IL5RA: variants seen among roughly 807,000 people sequenced by gnomAD.
The protein encoded by IL5RA is interleukin 5 receptor subunit alpha, also known as interleukin-5 receptor subunit alpha.
Under a neutral mutation model 50.0 loss-of-function variants are expected in IL5RA, and 49 were observed. The ratio of observed to expected loss-of-function variants is 0.98; its 90% CI spans 0.78 to 1.24. The LOEUF is 1.24. Among genes scored for constraint, IL5RA ranks in the 50% most tolerant of loss-of-function variants. The pLI, the probability that IL5RA is intolerant of heterozygous loss-of-function variation, is 0.00. For missense variants in IL5RA, 600 were observed against 500.4 expected (o/e 1.20, Z -1.90); for synonymous variants, 202 against 174.0 (o/e 1.16, Z -1.26).
intron 5 of IL5RA, among the ~76,000 whole-genome samples, chr3:3,099,869 C>T (rs919821529): frequency 1.2e-4 from 19 of 152,048 alleles, no homozygotes; most frequent in Admixed American, 1.2e-3. Context: ...GGGGTTTCAC[C>T]ATGTTGGCCA....
intron 4 of IL5RA, among the ~76,000 whole-genome samples, chr3:3,102,164 C>A (rs1703683412): frequency 6.6e-6 from 1 of 152,190 alleles, no homozygotes; most frequent in African/African-American, 2.4e-5. Flanking sequence ...ATCACTTCTC[C>A]CTTTGTTTGA....
chr3:3,094,810 C>T (rs990114713), intron 8 of IL5RA, among the ~76,000 whole-genome samples: 1 of 152,142 alleles, frequency 6.6e-6, no homozygotes, highest in Non-Finnish European at 1.5e-5. Flanking sequence ...GCAACCTCCG[C>T]CTCCCTGGTT....
intron 8 of IL5RA, among the ~76,000 whole-genome samples, chr3:3,094,237 C>G (rs1161659666): frequency 6.6e-6 from 1 of 152,192 alleles, no homozygotes. Context: ...TCTTGCAAAA[C>G]TGGAACTCTG....
intron 10 of IL5RA, among the ~76,000 whole-genome samples, chr3:3,075,782 A>G (rs1203675283): frequency 6.6e-6 from 1 of 151,378 alleles, no homozygotes; most frequent in Non-Finnish European, 1.5e-5. Context: ...TTGTATTTTT[A>G]GTAGAGACGG....
rs758292032 is a variant in IL5RA, at chr3:3,076,496, C to A, written c.1091+35G>T. ...GCCTGTAAAAATGCAGTACTGAAAC[C>A]CCACTGCAAGCACGCAAATGTAAAG... On this transcript the variant is annotated intron_variant, in intron 10 of 11. Transcript: ENST00000446632. 2.3e-6 allele frequency: 3 copies of A among 1,315,398 alleles called. No individual in the cohort carries two copies. The South Asian group carries it at 3.6e-5, about 16-fold the overall frequency. 81.5% of individuals were successfully genotyped at this position (1,315,398 alleles called of 1,614,324 possible). A position where few individuals can be genotyped will look rare whatever the true frequency, so the allele number is the denominator to read the frequency against.
intron 9 of IL5RA, among the ~76,000 whole-genome samples, chr3:3,081,272 A>C (rs901784464): frequency 1.5e-4 from 23 of 152,304 alleles, no homozygotes; most frequent in African/African-American, 5.1e-4. Flanking sequence ...ACAGCAAATC[A>C]AATACCGTCT....
intron 5 of IL5RA, among the ~76,000 whole-genome samples, chr3:3,099,984 A>C (rs1305523116): frequency 6.6e-6 from 1 of 152,170 alleles, no homozygotes; most frequent in East Asian, 1.9e-4. Context: ...TTTTAAATGC[A>C]ACCTTTTTAT....
rs981060827 is a variant in IL5RA at position 3,092,536 on chromosome 3, G to T, written c.856-174C>A. 3.9e-5 allele frequency among the ~76,000 whole-genome samples: 6 copies of T among 152,242 alleles called. No homozygotes were observed. The highest frequency in any genetic ancestry group is 6.5e-5 in the Admixed American group (1 of 15,298). ...CTAGGTGCGTTAGTGTGGATGTGTT[G>T]GCAGTCACCCTTCAGTGGAACGCTA... On this transcript the variant is annotated intron_variant, in intron 8 of 11. Coordinates refer to ENST00000446632, the MANE Select transcript of IL5RA (RefSeq NM_175726.4). The surrounding 1 kb of genome is among the most constrained non-coding windows in gnomAD (Gnocchi z 4.2).
At position 3,092,462 on chromosome 3, in the gene IL5RA, G is replaced by A; in HGVS notation, c.856-100C>T. ...TCCTATATAGGTCATGTGACTCACT[G>A]TTCAGCAAGTCCTTTAAAATCAACA... On this transcript the variant is annotated intron_variant, in intron 8 of 11. Coordinates refer to ENST00000446632, the MANE Select transcript of IL5RA (RefSeq NM_175726.4). This position sits in a 1 kb window ranked among gnomAD's most constrained non-coding sequence, Gnocchi z 4.2. 9.4e-7 allele frequency: 1 copy of A among 1,068,134 alleles called. No individual in the cohort carries two copies. Among genetic ancestry groups the A allele is most frequent in the Non-Finnish European group, 1.4e-6 (1 of 724,486 alleles). 66.2% of individuals were successfully genotyped at this position (1,068,134 alleles called of 1,614,324 possible). A position where few individuals can be genotyped will look rare whatever the true frequency, so the allele number is the denominator to read the frequency against.
chr3:3,090,371 G>A (rs763410568), intron 9 of IL5RA: 2 of 751,454 alleles, frequency 2.7e-6, no homozygotes, highest in Admixed American at 2.4e-5. Flanking sequence ...ACCATCCCAT[G>A]CTCTTATAGA....
rs542157375 is a variant in IL5RA at position 3,068,884 on chromosome 3, C to T, written c.*1341G>A. 3.3e-5 allele frequency: 5 copies of T among 152,330 alleles called. No homozygotes were observed. In the East Asian group the frequency reaches 9.6e-4, roughly 29 times the overall value. The allele number at this position is 152,330 out of a possible 1,614,324, so 9.4% of individuals were successfully genotyped here. ...ACAGATTACTATAAGACAGTGCAGG[C>T]TTGTCAAGATTCAAGATGTTTCTGT... On this transcript the variant is annotated 3_prime_UTR_variant, in exon 12 of 12. Coordinates refer to ENST00000446632, the MANE Select transcript of IL5RA (RefSeq NM_175726.4).
intron 9 of IL5RA, among the ~76,000 whole-genome samples, chr3:3,080,260 C>CTT (rs2125958430): frequency 6.6e-6 from 1 of 152,238 alleles, no homozygotes; most frequent in East Asian, 1.9e-4. Flanking sequence ...TACAGCGATG[C>CTT]TTTGAGATGG....
chr3:3,104,527 A>C (rs1217525606), intron 3 of IL5RA, among the ~76,000 whole-genome samples: 1 of 152,178 alleles, frequency 6.6e-6, no homozygotes, highest in Non-Finnish European at 1.5e-5. Flanking sequence ...CATCACATCA[A>C]ATACATAACA....
At chr3:3,090,082 C>T (rs1703024581) in intron 9 of IL5RA, 4 of 914,232 alleles carry the variant, frequency 4.4e-6, no homozygotes, top group Admixed American at 2.6e-5. Context: ...AGCCAATTAC[C>T]TAAACTTTCC....
chr3:3,074,885 A>G lies in IL5RA; in HGVS notation c.1092-19T>C. ...ATGACATCTGAAAACAGAGTAAAGA[A>G]GGAATTAGGTGAGCATGAGTATACC... On this transcript the variant is annotated intron_variant, in intron 10 of 11. Transcript: ENST00000446632. The G allele has an allele frequency of 6.7e-7, 1 of 1,482,842 alleles. No individual in the cohort carries two copies. 91.9% of individuals were successfully genotyped at this position (1,482,842 alleles called of 1,614,324 possible). A position where few individuals can be genotyped will look rare whatever the true frequency, so the allele number is the denominator to read the frequency against.
At chr3:3,096,341 G>A (rs1020030400) in intron 7 of IL5RA, among the ~76,000 whole-genome samples, 1 of 150,922 alleles carries the variant, frequency 6.6e-6, no homozygotes, top group Non-Finnish European at 1.5e-5. Flanking sequence ...TCTTTACTTA[G>A]GACTCTAATG....
At chr3:3,106,547 T>C (rs1415624435) in intron 2 of IL5RA, among the ~76,000 whole-genome samples, 1 of 151,806 alleles carries the variant, frequency 6.6e-6, no homozygotes, top group Non-Finnish European at 1.5e-5. Flanking sequence ...TTTCACACCA[T>C]GTAGAAATTA....
chr3:3,074,974 A>G, intron 10 of IL5RA, 108 bp from the exon 11 acceptor site: 1 of 697,426 alleles, frequency 1.4e-6, no homozygotes, highest in South Asian at 1.8e-5. Context: ...CTGTTTTGTA[A>G]ATTCAAAATC....
intron 5 of IL5RA, among the ~76,000 whole-genome samples, chr3:3,101,371 C>T (rs1703645599): frequency 6.6e-6 from 1 of 152,164 alleles, no homozygotes; most frequent in African/African-American, 2.4e-5. Context: ...TAGCCTGCTT[C>T]TCCTCTTTTC....
Sources: allele counts gnomAD v4.1 joint callset (sites outside exome capture counted in the v4.1 genomes callset), GRCh38; gene constraint gnomAD v4.1.1; non-coding constraint Gnocchi (gnomAD v3.1); transcripts MANE v1.5; gene names NCBI Gene and HGNC (gene_info 2026-07-23, HGNC 2026-07-21).